SRCAP: variants seen among roughly 807,000 people sequenced by gnomAD.
SRCAP encodes the protein chromatin remodeling protein SRCAP.
In SRCAP, 46 loss-of-function variants were observed where a neutral mutation model predicts 263.1. The ratio of observed to expected loss-of-function variants is 0.17; its 90% CI spans 0.14 to 0.22. The LOEUF is 0.22. Ranked by LOEUF, SRCAP falls within the 10% of genes least tolerant of loss-of-function variation. SRCAP has a pLI of 1.00. For synonymous variants in SRCAP, 1,813 were observed against 1,662.1 expected (o/e 1.09, Z -2.21); for missense variants, 3,695 against 4,181.9 (o/e 0.88, Z 3.21).
chr16:30,732,586 C>G (rs1042886358), intron 27 of SRCAP, among the ~76,000 whole-genome samples: 3 of 152,166 alleles, frequency 2.0e-5, no homozygotes, highest in Non-Finnish European at 4.4e-5. Flanking sequence ...GATCTGTGAC[C>G]TTAAATCCCT....
chr16:30,720,040 GTGGTATT>G, intron 18 of SRCAP, 115 bp from the exon 19 acceptor site: 1 of 1,057,944 alleles, frequency 9.5e-7, no homozygotes, highest in Middle Eastern at 2.5e-4. Flanking sequence ...GTGAGTACAT[GTGGTATT>G]TGGTTTTCTG....
intron 23 of SRCAP, 69 bp from the exon 24 acceptor site, chr16:30,722,894 G>A: frequency 6.4e-7 from 1 of 1,556,742 alleles, no homozygotes; most frequent in Non-Finnish European, 8.7e-7. Flanking sequence ...TCCTGCCCCT[G>A]GACTTCTTCC....
intron 26 of SRCAP, 35 bp downstream of exon 26, chr16:30,729,266 T>G: frequency 6.3e-7 from 1 of 1,597,716 alleles, no homozygotes; most frequent in Non-Finnish European, 8.5e-7. Context: ...GGAGTGGGTC[T>G]TGGGGCCTCA....
chr16:30,722,093 G>GT, intron 21 of SRCAP, 29 bp from the exon 22 acceptor site: 1 of 1,603,054 alleles, frequency 6.2e-7, no homozygotes, highest in Non-Finnish European at 8.5e-7. Flanking sequence ...GATGAGCCTT[G>GT]TGTACAATAA....
At chr16:30,729,301 G>A in intron 26 of SRCAP, 69 bp from the exon 27 acceptor site, 1 of 1,604,668 alleles carries the variant, frequency 6.2e-7, no homozygotes, top group South Asian at 1.1e-5. Flanking sequence ...CTTAGGGCTG[G>A]TGAAGGTGTT....
Position 30,729,122 on chromosome 16 carries a change from C to T in SRCAP, c.5815C>T (p.Arg1939Cys), listed in dbSNP as rs150630285. Reference sequence around the variant, plus strand: ...ACCTGTTGCCAGCCCCATCGGCCCTCGTTCTCCTGGCCCCAGCCACCCCAC... The same window carrying T: ...ACCTGTTGCCAGCCCCATCGGCCCTTGTTCTCCTGGCCCCAGCCACCCCAC... ...PQPVASPIGP[R>C]SPGPSHPTFW... Residue 1939 changes from arginine to cysteine, a missense_variant, in exon 26 of 34, where the codon CGT becomes TGT. Transcript: ENST00000262518. The T allele has an allele frequency of 3.7e-6, 6 of 1,614,202 alleles. No homozygotes were observed. Among genetic ancestry groups the T allele is most frequent in the African/African-American group, 2.7e-5 (2 of 75,054 alleles).
rs542351102 is a variant in SRCAP, at chr16:30,702,485, C to T, written c.55-1579C>T. 2.0e-5 allele frequency among the ~76,000 whole-genome samples: 3 copies of T among 151,476 alleles called. No homozygotes were observed. The South Asian group carries it at 6.3e-4, about 32-fold the overall frequency. On this transcript the variant is annotated intron_variant, in intron 3 of 33. Coordinates refer to ENST00000262518, the MANE Select transcript of SRCAP (RefSeq NM_006662.3). ...CTGACCTCTGGTAATCCACCCGCCT[C>T]AGCCTCCAAAAGTGCTAGGATTACA...
chr16:30,713,509 C>G lies in SRCAP; in HGVS notation c.2301-10C>G. ...CCATACTCTCTCTGATTCTCTCTGT[C>G]TCTTTGCAGCCAGAGACGCCTGCTC... On this transcript the variant is annotated splice_polypyrimidine_tract_variant and intron_variant, in intron 15 of 33. Transcript: ENST00000262518. 1 of 1,613,898 alleles carries G rather than the reference C, an allele frequency of 6.2e-7. No individual in the cohort carries two copies. The highest frequency in any genetic ancestry group is 1.1e-5 in the South Asian group (1 of 91,046).
chr16:30,727,611 G>A (rs1247695580), intron 25 of SRCAP, among the ~76,000 whole-genome samples: 1 of 152,132 alleles, frequency 6.6e-6, no homozygotes, highest in Non-Finnish European at 1.5e-5. Flanking sequence ...GCAGTGCAGT[G>A]GTGCGATCTC....
rs759622628 is a variant in SRCAP, at chr16:30,724,457, C to T, written c.5033C>T (p.Thr1678Met). The T allele has an allele frequency of 2.1e-4, 341 of 1,614,234 alleles. No individual in the cohort carries two copies. The highest frequency in any genetic ancestry group is 2.7e-4 in the Non-Finnish European group (315 of 1,180,042). ...TCACCTCTCCCGAGCCCGGCTTCTACGCAGACACTGGCCCTAGCCCCAGCT... is the reference window on the plus strand; with the variant it reads ...TCACCTCTCCCGAGCCCGGCTTCTATGCAGACACTGGCCCTAGCCCCAGCT... ...VPSPLPSPAS[T>M]QTLALAPALA... The change falls in exon 25 of 34, where the codon ACG (threonine) becomes ATG (methionine). Residue 1678 changes from threonine to methionine, a missense_variant. Physicochemically the swap from Thr to Met is moderately conservative, Grantham distance 81. This residue lies in a region of SRCAP where 1,347 missense variants were observed against 1,304.4 expected (regional missense o/e 1.03). Coordinates refer to ENST00000262518, the MANE Select transcript of SRCAP (RefSeq NM_006662.3).
In SRCAP at chr16:30,739,940, C is replaced by T. The variant is rs1567255779; in HGVS notation, c.*207C>T. Reference sequence around the variant, plus strand: ...CACAGTCCCCTTCCCCTTCACCCCACGTGGCTGGGCAGTGTTAAGGGTGGC... The same window carrying T: ...CACAGTCCCCTTCCCCTTCACCCCATGTGGCTGGGCAGTGTTAAGGGTGGC... On this transcript the variant is annotated 3_prime_UTR_variant, in exon 34 of 34. Coordinates refer to ENST00000262518, the MANE Select transcript of SRCAP (RefSeq NM_006662.3). The T allele has an allele frequency of 1.3e-6, 1 of 753,950 alleles. No individual in the cohort carries two copies. Among genetic ancestry groups the T allele is most frequent in the Non-Finnish European group, 1.9e-6 (1 of 520,378 alleles). 46.7% of individuals were successfully genotyped at this position (753,950 alleles called of 1,614,324 possible).
At chr16:30,722,508 C>A in intron 22 of SRCAP, 55 bp from the exon 23 acceptor site, 1 of 1,595,240 alleles carries the variant, frequency 6.3e-7, no homozygotes, top group African/African-American at 1.3e-5. Flanking sequence ...CTTGCCTCTG[C>A]CCTCCTCAGG....
chr16:30,719,432 G>C (rs756163392), intron 18 of SRCAP, among the ~76,000 whole-genome samples: 1 of 151,780 alleles, frequency 6.6e-6, no homozygotes, highest in Admixed American at 6.6e-5. Context: ...GGCCAGGCTG[G>C]TCTTGAACTC....
chr16:30,711,174 T>G, intron 10 of SRCAP, 86 bp downstream of exon 10: 1 of 999,866 alleles, frequency 1.0e-6, no homozygotes, highest in Non-Finnish European at 1.5e-6. Context: ...TAAGGCACTT[T>G]GTATCCACCC....
At chr16:30,720,675 C>T (rs2053002592) in intron 19 of SRCAP, 38 bp from the exon 20 acceptor site, 6 of 1,546,334 alleles carry the variant, frequency 3.9e-6, no homozygotes, top group Non-Finnish European at 5.2e-6. Flanking sequence ...CCTTATTCTC[C>T]TTCTGTCCCT....
In SRCAP at chr16:30,723,809, C is replaced by T. The variant is rs2053035233; in HGVS notation, c.4385C>T (p.Pro1462Leu). 2.5e-6 allele frequency: 4 copies of T among 1,614,168 alleles called. No individual in the cohort carries two copies. Among genetic ancestry groups the T allele is most frequent in the South Asian group, 1.1e-5 (1 of 91,084 alleles). The change falls in exon 25 of 34, where the codon CCC becomes CTC. Residue 1462 changes from proline (P) to leucine (L), a missense_variant. By Grantham distance (98) the Pro-to-Leu change is moderately conservative. Transcript: ENST00000262518. ...CCACTCACCATCCCCATCTCAGCCC[C>T]CTTGACTGTTTCTGCTTCGGGCCCA... ...SAPLTIPISA[P>L]LTVSASGPAL...
At chr16:30,710,649 C>T (rs1315845836) in intron 8 of SRCAP, 105 bp from the exon 9 acceptor site, 2 of 1,156,510 alleles carry the variant, frequency 1.7e-6, no homozygotes, top group Admixed American at 3.4e-5. Context: ...TGGCAACTGT[C>T]ACTCAATGGG....
At chr16:30,700,386 C>G (rs1349827859) in intron 2 of SRCAP, among the ~76,000 whole-genome samples, 1 of 152,144 alleles carries the variant, frequency 6.6e-6, no homozygotes, top group African/African-American at 2.4e-5. Flanking sequence ...AGGAGGAAGT[C>G]AATATTTGTT....
At chr16:30,706,638 C>T (rs1301911042) in intron 4 of SRCAP, among the ~76,000 whole-genome samples, 2 of 152,152 alleles carry the variant, frequency 1.3e-5, no homozygotes, top group African/African-American at 4.8e-5. Flanking sequence ...TAAACATATG[C>T]ATTTTTACAA....
Sources: gnomAD v4.1 joint callset for allele counts (sites outside exome capture counted in the v4.1 genomes callset) on GRCh38, gnomAD v4.1.1 for gene constraint, gnomAD v4.1.1 regional missense constraint, MANE v1.5 for transcripts, NCBI Gene and HGNC (gene_info 2026-07-23, HGNC 2026-07-21) for gene names.